Variants in PCDHA11 observed in about 807,000 individuals in gnomAD.
PCDHA11 encodes protocadherin alpha-11.
PCDHA11 carries 61 observed loss-of-function variants against 70.3 expected under a neutral mutation model. The observed-to-expected ratio is 0.87, with a 90% CI of 0.71 to 1.07. The LOEUF (loss-of-function observed/expected upper bound fraction) is 1.07, where lower values mean the gene tolerates loss of function less well. PCDHA11 is among the 50% of genes least tolerant of loss of function. The probability of loss-of-function intolerance (pLI) is 0.00; values close to 1 mark genes in which losing one functional copy is unlikely to be tolerated. For missense variants in PCDHA11, 1,324 were observed against 1,237.5 expected (o/e 1.07, Z -1.05); for synonymous variants, 633 against 555.1 (o/e 1.14, Z -1.97).
intron 1 of PCDHA11, among the ~76,000 whole-genome samples, chr5:140,962,257 A>C (rs915555866): frequency 6.6e-6 from 1 of 152,174 alleles, no homozygotes; most frequent in Admixed American, 6.5e-5. Context: ...AATGAAAAAT[A>C]ATTTTATAAT....
At chr5:140,883,402 C>G (rs2153393597) in intron 1 of PCDHA11, 1 of 1,614,192 alleles carries the variant, frequency 6.2e-7, no homozygotes, top group Middle Eastern at 1.6e-4. Context: ...CCGATCGTGA[C>G]TCTGGCTCAA....
At chr5:140,966,414 G>A (rs1310333281) in intron 1 of PCDHA11, 5 of 420,334 alleles carry the variant, frequency 1.2e-5, no homozygotes, top group African/African-American at 2.1e-5. Context: ...AATCAGAGCA[G>A]GACTTGCTGA....
chr5:140,945,828 A>T (rs2093847646), intron 1 of PCDHA11, among the ~76,000 whole-genome samples: 1 of 152,176 alleles, frequency 6.6e-6, no homozygotes, highest in Admixed American at 6.5e-5. Flanking sequence ...TACAAAAGTC[A>T]ACTCAAAATG....
rs114742019 is a variant in PCDHA11, at chr5:140,911,730, G to A, written c.2391+40236G>A. Among the ~76,000 whole-genome samples the A allele has an allele frequency of 8.1e-3, 1,236 of 152,190 alleles. 6 individuals carry two copies. The highest frequency in any genetic ancestry group is 0.019 in the African/African-American group (801 of 41,524). ...TTTTGTGTAACTCTGTAAACAGTTC[G>A]TGCCAAGGACTATCAGTGTTCTCCA... is the stretch of plus-strand genomic sequence containing the variant. On this transcript the variant is annotated intron_variant, in intron 1 of 3. Coordinates refer to ENST00000398640, the MANE Select transcript of PCDHA11 (RefSeq NM_018902.5).
At chr5:140,910,311 A>G (rs928675389) in intron 1 of PCDHA11, among the ~76,000 whole-genome samples, 4 of 152,224 alleles carry the variant, frequency 2.6e-5, no homozygotes, top group African/African-American at 9.6e-5. Context: ...AGAGATCTAC[A>G]TGAGTCAGAC....
intron 3 of PCDHA11, among the ~76,000 whole-genome samples, chr5:140,994,353 C>T (rs1321687113): frequency 6.6e-6 from 1 of 152,110 alleles, no homozygotes; most frequent in East Asian, 1.9e-4. Flanking sequence ...TGTGGGACCT[C>T]AGAAGATGGA....
In PCDHA11 at chr5:140,871,489, G is replaced by T; in HGVS notation, c.2386G>T (p.Gly796Ter). The change falls in exon 1 of 4, where the codon GGA becomes TGA. Residue 796 changes from glycine (G) to a stop codon, truncating the protein, a stop_gained. Transcript: ENST00000398640. LOFTEE classifies it high-confidence loss of function. ...ERQEPGSNHPGQPRQPNPDWR... is the reference protein window; with the variant it reads ...ERQEPGSNHP The stretch of plus-strand genomic sequence containing the variant: ...ACAGGAGCCAGGGTCAAATCACCCC[G>T]GACAGGTGAGTTTTCTACAGATTCC... The T allele has an allele frequency of 1.3e-6, 2 of 1,590,138 alleles. No individual in the cohort carries two copies. The highest frequency in any genetic ancestry group is 1.7e-6 in the Non-Finnish European group (2 of 1,166,826).
At chr5:140,998,136 C>T (rs2153950850) in intron 3 of PCDHA11, among the ~76,000 whole-genome samples, 1 of 152,308 alleles carries the variant, frequency 6.6e-6, no homozygotes, top group South Asian at 2.1e-4. Context: ...TAATAGCTAA[C>T]CTGTACTGAA....
intron 1 of PCDHA11, among the ~76,000 whole-genome samples, chr5:140,965,199 T>C (rs1296377172): frequency 6.6e-6 from 1 of 152,234 alleles, no homozygotes. Context: ...AGGCAATAGA[T>C]TTCAAATTCC....
chr5:141,011,190 T>C lies in PCDHA11; in HGVS notation c.*1253T>C, dbSNP rs1321258440. On this transcript the variant is annotated 3_prime_UTR_variant, in exon 4 of 4. Coordinates refer to ENST00000398640, the MANE Select transcript of PCDHA11 (RefSeq NM_018902.5). Reference sequence around the variant, plus strand: ...AAGACCCAAAAATTGAAGAAAAATATTGTTTTCTCATACAGTGAGCAGATT... The same window carrying C: ...AAGACCCAAAAATTGAAGAAAAATACTGTTTTCTCATACAGTGAGCAGATT... The C allele has an allele frequency of 1.3e-5, 2 of 153,748 alleles. No individual in the cohort carries two copies. The highest frequency in any genetic ancestry group is 1.9e-4 in the East Asian group (1 of 5,200). The allele number at this position is 153,748 out of a possible 1,614,324, so 9.5% of individuals were successfully genotyped here. A position where few individuals can be genotyped will look rare whatever the true frequency, so the allele number is the denominator to read the frequency against.
intron 1 of PCDHA11, chr5:140,927,857 G>A: frequency 6.2e-7 from 1 of 1,614,172 alleles, no homozygotes; most frequent in African/African-American, 1.3e-5. Context: ...GGTTTAGCTA[G>A]CACCGCTAAA....
At chr5:141,001,702 G>C (rs2098033163) in intron 3 of PCDHA11, among the ~76,000 whole-genome samples, 1 of 152,194 alleles carries the variant, frequency 6.6e-6, no homozygotes, top group Non-Finnish European at 1.5e-5. Flanking sequence ...GGCGAAATAG[G>C]GGGCGGGGAA....
intron 1 of PCDHA11, among the ~76,000 whole-genome samples, chr5:140,886,267 A>C (rs1472520900): frequency 6.6e-6 from 1 of 151,960 alleles, no homozygotes; most frequent in African/African-American, 2.4e-5. Context: ...TTTATAGATA[A>C]AATTTTTTAA....
intron 1 of PCDHA11, among the ~76,000 whole-genome samples, chr5:140,942,239 T>C (rs1554214876): frequency 6.6e-6 from 1 of 152,156 alleles, no homozygotes; most frequent in African/African-American, 2.4e-5. Context: ...AAATAAGATA[T>C]CCATATCATT....
At chr5:141,006,606 C>T (rs782461917) in intron 3 of PCDHA11, among the ~76,000 whole-genome samples, 3 of 152,112 alleles carry the variant, frequency 2.0e-5, no homozygotes, top group Non-Finnish European at 4.4e-5. Flanking sequence ...TGGAAGCAGA[C>T]TGAATAAGGA....
chr5:140,873,412 T>C (rs2054273798), intron 1 of PCDHA11, among the ~76,000 whole-genome samples: 1 of 152,210 alleles, frequency 6.6e-6, no homozygotes, highest in Non-Finnish European at 1.5e-5. Context: ...GGTTAAAATT[T>C]TGTAAATTAT....
chr5:140,884,688 CTTA>C (rs782481361), intron 1 of PCDHA11: 8 of 1,535,868 alleles, frequency 5.2e-6, no homozygotes, highest in Non-Finnish European at 8.8e-7. Flanking sequence ...AAAAAATTGT[CTTA>C]GTAAACACTT....
chr5:140,925,172 C>T (rs1176049315), intron 1 of PCDHA11, among the ~76,000 whole-genome samples: 2 of 151,994 alleles, frequency 1.3e-5, no homozygotes, highest in Admixed American at 6.6e-5. Context: ...TGTAATTGAC[C>T]CCAATGTACC....
In PCDHA11 at chr5:140,938,408, G is replaced by A. The variant is rs115039361; in HGVS notation, c.2392-40541G>A. Among the ~76,000 whole-genome samples, 826 of 151,992 alleles carry A rather than the reference G, an allele frequency of 5.4e-3. 3 individuals are homozygous for A. The highest frequency in any genetic ancestry group is 0.019 in the African/African-American group (797 of 41,474). ...TAATATGAAATACATTGTTTGATTG[G>A]GTTTATTTGCAAAAATCCTTTATCA... On this transcript the variant is annotated intron_variant, in intron 1 of 3. Coordinates refer to ENST00000398640, the MANE Select transcript of PCDHA11 (RefSeq NM_018902.5).
Sources: allele counts gnomAD v4.1 joint callset (sites outside exome capture counted in the v4.1 genomes callset), GRCh38; gene constraint gnomAD v4.1.1; transcripts MANE v1.5; gene names NCBI Gene and HGNC (gene_info 2026-07-23, HGNC 2026-07-21).